Variants in MAD1L1 observed in about 807,000 individuals in gnomAD.
MAD1L1 encodes the protein mitotic spindle assembly checkpoint protein MAD1.
Under a neutral mutation model 96.9 loss-of-function variants are expected in MAD1L1, and 95 were observed. That is an observed-to-expected ratio of 0.98 (90% CI 0.83 to 1.16). MAD1L1 has a LOEUF of 1.16. Among genes scored for constraint, MAD1L1 ranks in the 50% most tolerant of loss-of-function variants. MAD1L1 has a pLI of 0.00. For synonymous variants in MAD1L1, 473 were observed against 396.6 expected (o/e 1.19, Z -2.29); for missense variants, 1,007 against 954.4 (o/e 1.06, Z -0.73).
intron 11 of MAD1L1, among the ~76,000 whole-genome samples, chr7:2,122,172 C>T (rs931725764): frequency 6.6e-6 from 1 of 152,214 alleles, no homozygotes; most frequent in African/African-American, 2.4e-5. Flanking sequence ...GCAGTGGCCA[C>T]CCCGCATGTG....
Position 2,146,248 on chromosome 7 carries a change from G to C in MAD1L1, c.1073+2904C>G, listed in dbSNP as rs1253844609. ...TCACAGCAGCACCGCCTGGAAGAGGGAGCACCGGGCACTGGGCTACGAGGA... is the reference window on the plus strand; with the variant it reads ...TCACAGCAGCACCGCCTGGAAGAGGCAGCACCGGGCACTGGGCTACGAGGA... On this transcript the variant is annotated intron_variant, in intron 11 of 18. Coordinates refer to ENST00000265854, the MANE Select transcript of MAD1L1 (RefSeq NM_001013836.2). This position sits in a 1 kb window ranked among gnomAD's most constrained non-coding sequence, Gnocchi z 6.2. 1.6e-4 allele frequency among the ~76,000 whole-genome samples: 24 copies of C among 150,184 alleles called. No homozygotes were observed. Among genetic ancestry groups the C allele is most frequent in the Admixed American group, 1.6e-3 (24 of 15,218 alleles).
At chr7:2,208,771 T>G (rs1687744878) in intron 10 of MAD1L1, among the ~76,000 whole-genome samples, 1 of 151,960 alleles carries the variant, frequency 6.6e-6, no homozygotes, top group South Asian at 2.1e-4. Flanking sequence ...TTACTCCTCC[T>G]CCCCCTCCTG....
intron 10 of MAD1L1, among the ~76,000 whole-genome samples, chr7:2,156,190 C>T (rs1475435621): frequency 6.7e-6 from 1 of 149,322 alleles, no homozygotes; most frequent in Admixed American, 6.6e-5. Flanking sequence ...GCGCGTGTGG[C>T]GAGGGGAGCG....
chr7:2,070,830 C>G (rs959965582), intron 11 of MAD1L1, among the ~76,000 whole-genome samples: 1 of 152,248 alleles, frequency 6.6e-6, no homozygotes, highest in Non-Finnish European at 1.5e-5. Context: ...TTCACACCTT[C>G]CCAGCCATTG....
intron 18 of MAD1L1, among the ~76,000 whole-genome samples, chr7:1,823,999 G>A (rs1436214852): frequency 1.3e-5 from 2 of 152,184 alleles, no homozygotes; most frequent in Non-Finnish European, 2.9e-5. Flanking sequence ...GAGCCCATTT[G>A]TGGGGGGACG....
chr7:2,066,616 G>C (rs1163500657), intron 12 of MAD1L1, among the ~76,000 whole-genome samples: 2 of 152,234 alleles, frequency 1.3e-5, no homozygotes, highest in East Asian at 3.9e-4. Flanking sequence ...TTCCTGCCCT[G>C]AGCGGGCCGG....
chr7:1,903,358 T>C (rs1048603672), intron 17 of MAD1L1, among the ~76,000 whole-genome samples: 4 of 150,680 alleles, frequency 2.7e-5, no homozygotes, highest in Admixed American at 2.0e-4. Flanking sequence ...TCATGATTGA[T>C]GAAGCACTGT....
intron 18 of MAD1L1, among the ~76,000 whole-genome samples, chr7:1,893,377 A>C (rs1313665046): frequency 6.6e-6 from 1 of 152,220 alleles, no homozygotes; most frequent in Non-Finnish European, 1.5e-5. Context: ...GCTTGACTGG[A>C]AACGGCTTCG....
chr7:1,920,779 T>G (rs1788739379), intron 17 of MAD1L1, among the ~76,000 whole-genome samples: 1 of 152,168 alleles, frequency 6.6e-6, no homozygotes, highest in Non-Finnish European at 1.5e-5. Flanking sequence ...GTGTGGCCAC[T>G]GCCCATTCTG....
At position 1,846,987 on chromosome 7, in the gene MAD1L1, G is replaced by A. The variant is rs114041980; in HGVS notation, c.1999-30759C>T. Reference sequence around the variant, plus strand: ...GGTCGCCTCCTGCTGATGGCTCCGCGTTTTCATTGACCACATTCATTACAA... The same window carrying A: ...GGTCGCCTCCTGCTGATGGCTCCGCATTTTCATTGACCACATTCATTACAA... On this transcript the variant is annotated intron_variant, in intron 18 of 18. Coordinates refer to ENST00000265854, the MANE Select transcript of MAD1L1 (RefSeq NM_001013836.2). 3.9e-3 allele frequency: 1,290 copies of A among 326,632 alleles called. 14 individuals carry two copies. Among genetic ancestry groups the A allele is most frequent in the African/African-American group, 0.026 (1,192 of 45,790 alleles). The allele number at this position is 326,632 out of a possible 1,614,324, so 20.2% of individuals were successfully genotyped here.
At chr7:1,930,783 G>A (rs73050155) in intron 17 of MAD1L1, among the ~76,000 whole-genome samples, 5,145 of 151,818 alleles carry the variant, frequency 0.034, 193 homozygotes, top group Admixed American at 0.099. Context: ...CAGGCCACGC[G>A]GCTCCCCCTT....
At chr7:1,890,459 G>A (rs115257380) in intron 18 of MAD1L1, among the ~76,000 whole-genome samples, 2,825 of 152,284 alleles carry the variant, frequency 0.019, 78 homozygotes, top group African/African-American at 0.064. Flanking sequence ...TTCATCTCCC[G>A]CCATGAGTGG....
chr7:2,083,930 G>A (rs959467325), intron 11 of MAD1L1, among the ~76,000 whole-genome samples: 1 of 152,256 alleles, frequency 6.6e-6, no homozygotes, highest in Non-Finnish European at 1.5e-5. Flanking sequence ...CTGGGGTGGG[G>A]AGGAGCTTGG....
At chr7:1,912,029 T>C (rs1396639408) in intron 17 of MAD1L1, among the ~76,000 whole-genome samples, 1 of 152,190 alleles carries the variant, frequency 6.6e-6, no homozygotes, top group African/African-American at 2.4e-5. Context: ...GTCGGGGGTC[T>C]GGGGGCTGAC....
In MAD1L1 at chr7:2,178,298, C is replaced by A. The variant is rs369073870; in HGVS notation, c.987-29060G>T. ...TTCACAGCAGTAGGTTCAATAAGAA[C>A]CTTTCCTCCTTTTTAACGTGATAGA... is the stretch of plus-strand genomic sequence containing the variant. On this transcript the variant is annotated intron_variant, in intron 10 of 18. Coordinates refer to ENST00000265854, the MANE Select transcript of MAD1L1 (RefSeq NM_001013836.2). Among the ~76,000 whole-genome samples, 3 of 152,192 alleles carry A rather than the reference C, an allele frequency of 2.0e-5. 1 individual carries two copies. The highest frequency in any genetic ancestry group is 2.0e-4 in the Admixed American group (3 of 15,278).
chr7:1,930,782 C>T (rs1027049122), intron 17 of MAD1L1, among the ~76,000 whole-genome samples: 11 of 151,992 alleles, frequency 7.2e-5, no homozygotes, highest in Non-Finnish European at 1.0e-4. Flanking sequence ...TCAGGCCACG[C>T]GGCTCCCCCT....
rs370533132 is a variant in MAD1L1, at chr7:2,016,560, C to A, written c.1219-1918G>T. Among the ~76,000 whole-genome samples, 16 of 152,312 alleles carry A rather than the reference C, an allele frequency of 1.1e-4. 1 individual carries two copies. The highest frequency in any genetic ancestry group is 3.6e-4 in the African/African-American group (15 of 41,572). ...CTCCCCAGCACTGATGACTGCCTGGCCCCTGCCAGGCCCTCGGTCTATCCC... is the reference window on the plus strand; with the variant it reads ...CTCCCCAGCACTGATGACTGCCTGGACCCTGCCAGGCCCTCGGTCTATCCC... On this transcript the variant is annotated intron_variant, in intron 12 of 18. Coordinates refer to ENST00000265854, the MANE Select transcript of MAD1L1 (RefSeq NM_001013836.2).
intron 17 of MAD1L1, among the ~76,000 whole-genome samples, chr7:1,933,753 G>A (rs893966969): frequency 1.3e-5 from 2 of 152,144 alleles, no homozygotes; most frequent in Non-Finnish European, 2.9e-5. Flanking sequence ...CCCGGGGAGC[G>A]GCAACTGCCC....
At position 1,980,959 on chromosome 7, in the gene MAD1L1, G is replaced by A. The variant is rs370362625; in HGVS notation, c.1417-418C>T. 2.6e-4 allele frequency among the ~76,000 whole-genome samples: 40 copies of A among 152,236 alleles called. 2 individuals carry two copies. Among genetic ancestry groups the A allele is most frequent in the African/African-American group, 9.1e-4 (38 of 41,534 alleles). ...GTGAGATGCTGCACCGCCCGGGAGG[G>A]AGCCTGGATTCTGTTTTTCTTTTCT... is the stretch of plus-strand genomic sequence containing the variant. On this transcript the variant is annotated intron_variant, in intron 14 of 18. Coordinates refer to ENST00000265854, the MANE Select transcript of MAD1L1 (RefSeq NM_001013836.2).
Sources: gnomAD v4.1 joint callset for allele counts (sites outside exome capture counted in the v4.1 genomes callset) on GRCh38, gnomAD v4.1.1 for gene constraint, Gnocchi (gnomAD v3.1) non-coding constraint, MANE v1.5 for transcripts, NCBI Gene and HGNC (gene_info 2026-07-23, HGNC 2026-07-21) for gene names.